Variants in CNGB3 observed in about 807,000 individuals in gnomAD.
CNGB3 encodes cyclic nucleotide-gated channel beta-3.
A neutral mutation model predicts 92.8 loss-of-function variants in CNGB3; 86 were observed. The ratio of observed to expected loss-of-function variants is 0.93; its 90% CI spans 0.78 to 1.11. The LOEUF (loss-of-function observed/expected upper bound fraction) is 1.11, where lower values mean the gene tolerates loss of function less well. Ranked by LOEUF, CNGB3 falls within the 50% of genes least tolerant of loss-of-function variation. The pLI is 0.00. For synonymous variants in CNGB3, 333 were observed against 332.7 expected (o/e 1.00, Z -0.01); for missense variants, 1,026 against 956.8 (o/e 1.07, Z -0.95).
At chr8:86,649,951 A>T (rs1823366951) in intron 7 of CNGB3, among the ~76,000 whole-genome samples, 1 of 151,708 alleles carries the variant, frequency 6.6e-6, no homozygotes, top group Non-Finnish European at 1.5e-5. Flanking sequence ...ATCAGCAAGA[A>T]AAAAACAAAT....
intron 8 of CNGB3, among the ~76,000 whole-genome samples, chr8:86,646,949 CT>C (rs1409562160): frequency 6.6e-5 from 10 of 151,118 alleles, no homozygotes; most frequent in Non-Finnish European, 1.5e-4. Context: ...ACTCTTGCCC[CT>C]ATCCGTCCTG....
In CNGB3 at chr8:86,680,016, C is replaced by A. The variant is rs1311242417; in HGVS notation, c.339-8918G>T. Among the ~76,000 whole-genome samples, 6 of 152,290 alleles carry A rather than the reference C, an allele frequency of 3.9e-5. No homozygotes were observed. The East Asian group carries it at 1.2e-3, about 29-fold the overall frequency. On this transcript the variant is annotated intron_variant, in intron 3 of 17. Transcript: ENST00000320005. The stretch of plus-strand genomic sequence containing the variant: ...GATCTTGGACTCCTAGCCTCCAGAA[C>A]TGTGAGAAAATACATTTCTGTTTGT...
chr8:86,649,949 G>GA (rs1228579448), intron 7 of CNGB3, among the ~76,000 whole-genome samples: 4 of 151,020 alleles, frequency 2.6e-5, no homozygotes, highest in Non-Finnish European at 4.4e-5. Context: ...AAATCAGCAA[G>GA]AAAAAAACAA....
rs1824082787 is a variant in CNGB3 at position 86,681,539 on chromosome 8, A to G, written c.339-10441T>C. 2.6e-5 allele frequency among the ~76,000 whole-genome samples: 4 copies of G among 152,310 alleles called. No homozygotes were observed. The South Asian group carries it at 8.3e-4, about 32-fold the overall frequency. On this transcript the variant is annotated intron_variant, in intron 3 of 17. Coordinates refer to ENST00000320005, the MANE Select transcript of CNGB3 (RefSeq NM_019098.5). Reference sequence around the variant, plus strand: ...GGAGAGAACAGAGGAAAAAGAGAAGATAAATCAGTCAAAGAAACTGTAGGG... The same window carrying G: ...GGAGAGAACAGAGGAAAAAGAGAAGGTAAATCAGTCAAAGAAACTGTAGGG...
intron 13 of CNGB3, among the ~76,000 whole-genome samples, chr8:86,620,643 A>G (rs1822706819): frequency 6.6e-6 from 1 of 152,126 alleles, no homozygotes; most frequent in Admixed American, 6.5e-5. Context: ...TCTAGGTCCC[A>G]CACCTGGACC....
chr8:86,591,593 C>T (rs1043736451), intron 15 of CNGB3, among the ~76,000 whole-genome samples: 4 of 151,914 alleles, frequency 2.6e-5, no homozygotes, highest in South Asian at 2.1e-4. Context: ...GTTGGAGTAC[C>T]CTGCCGTGTG....
chr8:86,694,228 AC>A (rs1452078638), intron 3 of CNGB3, among the ~76,000 whole-genome samples: 1 of 115,148 alleles, frequency 8.7e-6, no homozygotes, highest in Non-Finnish European at 1.8e-5. Context: ...CGGGGGGCTG[AC>A]CCCCCCACCT....
intron 17 of CNGB3, among the ~76,000 whole-genome samples, chr8:86,577,830 A>C (rs978092218): frequency 6.6e-6 from 1 of 152,254 alleles, no homozygotes; most frequent in Non-Finnish European, 1.5e-5. Context: ...TTTAAGCAGC[A>C]AAATCACACA....
intron 3 of CNGB3, among the ~76,000 whole-genome samples, chr8:86,711,167 G>A (rs139550646): frequency 5.3e-5 from 8 of 152,182 alleles, no homozygotes; most frequent in South Asian, 2.1e-4. Flanking sequence ...GGCTCTTTGC[G>A]AAAGGAAGGA....
intron 3 of CNGB3, among the ~76,000 whole-genome samples, chr8:86,706,105 G>A (rs1258480439): frequency 1.3e-5 from 2 of 152,184 alleles, no homozygotes; most frequent in African/African-American, 4.8e-5. Context: ...CTTTCATAAT[G>A]TAGTTTATAT....
chr8:86,662,012 AATATTCAG>A, intron 6 of CNGB3: 1 of 386,266 alleles, frequency 2.6e-6, no homozygotes, highest in East Asian at 4.3e-5. Flanking sequence ...GCAATGTGTA[AATATTCAG>A]GAGACTGGCC....
At chr8:86,694,152 G>C (rs1417844988) in intron 3 of CNGB3, among the ~76,000 whole-genome samples, 1 of 134,508 alleles carries the variant, frequency 7.4e-6, no homozygotes, top group Non-Finnish European at 1.6e-5. Context: ...CCTCCTGGAC[G>C]GGGCGGCTGG....
At chr8:86,706,735 A>G (rs1824659341) in intron 3 of CNGB3, among the ~76,000 whole-genome samples, 1 of 152,210 alleles carries the variant, frequency 6.6e-6, no homozygotes, top group Admixed American at 6.5e-5. Flanking sequence ...CCCTGATTAC[A>G]GTGCTTTCTC....
intron 3 of CNGB3, among the ~76,000 whole-genome samples, chr8:86,674,452 T>A (rs1266499109): frequency 1.3e-5 from 2 of 152,256 alleles, no homozygotes; most frequent in Non-Finnish European, 2.9e-5. Flanking sequence ...CTCCAGCTTC[T>A]TTTCTAGGAT....
rs1377569223 is a variant in CNGB3 at position 86,658,368 on chromosome 8, C to G, written c.853-4306G>C. On this transcript the variant is annotated intron_variant, in intron 6 of 17. Transcript: ENST00000320005. ...CTCACTGTCCAGTCCATCTCCTTCC[C>G]CATGGAGAGCCATGAGGGTCAGCTG... is the stretch of plus-strand genomic sequence containing the variant. 5 of 437,706 alleles carry G rather than the reference C, an allele frequency of 1.1e-5. No homozygotes were observed. In the East Asian group the frequency reaches 2.7e-4, roughly 24 times the overall value. The allele number at this position is 437,706 out of a possible 1,614,324, so 27.1% of individuals were successfully genotyped here. A position where few individuals can be genotyped will look rare whatever the true frequency, so the allele number is the denominator to read the frequency against.
At chr8:86,668,528 G>A (rs1217549977) in intron 4 of CNGB3, among the ~76,000 whole-genome samples, 1 of 152,070 alleles carries the variant, frequency 6.6e-6, no homozygotes, top group Non-Finnish European at 1.5e-5. Context: ...GAACGTTTAT[G>A]AATCTTCCTC....
At chr8:86,587,598 C>T (rs1821926715) in intron 15 of CNGB3, among the ~76,000 whole-genome samples, 3 of 151,962 alleles carry the variant, frequency 2.0e-5, no homozygotes, top group African/African-American at 4.8e-5. Context: ...ATAGGGAATC[C>T]TTTCCCCATT....
intron 3 of CNGB3, among the ~76,000 whole-genome samples, chr8:86,717,965 A>C (rs1291656239): frequency 3.3e-5 from 5 of 152,208 alleles, no homozygotes; most frequent in Non-Finnish European, 7.3e-5. Context: ...TTTGAACTGA[A>C]CAATAATAGT....
chr8:86,676,107 T>A (rs1440128405), intron 3 of CNGB3, among the ~76,000 whole-genome samples: 4 of 152,202 alleles, frequency 2.6e-5, no homozygotes, highest in African/African-American at 9.7e-5. Flanking sequence ...AAGACGTGGA[T>A]CTTGAAATTG....
Sources: allele counts gnomAD v4.1 joint callset (sites outside exome capture counted in the v4.1 genomes callset), GRCh38; gene constraint gnomAD v4.1.1; transcripts MANE v1.5; gene names NCBI Gene and HGNC (gene_info 2026-07-23, HGNC 2026-07-21).